Variants in RBFOX3 observed in about 807,000 individuals in gnomAD.
The protein encoded by RBFOX3 is RNA binding fox-1 homolog 3, also known as RNA binding protein fox-1 homolog 3.
In RBFOX3, 17 loss-of-function variants were observed where a neutral mutation model predicts 48.7. The observed-to-expected ratio is 0.35, with a 90% confidence interval of 0.24 to 0.52. RBFOX3 has a LOEUF of 0.52. Ranked by LOEUF, RBFOX3 falls within the 20% of genes least tolerant of loss-of-function variation. The pLI is 0.94. For missense variants in RBFOX3, 382 were observed against 497.5 expected (o/e 0.77, Z 2.21); for synonymous variants, 212 against 209.5 (o/e 1.01, Z -0.10).
chr17:79,621,211 C>T, the RBFOX3 span, among the ~76,000 whole-genome samples: 9 of 151,922 alleles, frequency 5.9e-5, no homozygotes, highest in African/African-American at 9.7e-5. Context: ...GCTGGCCAGG[C>T]GGGTCTCGAA....
chr17:79,331,409 T>TG (rs891952732), intron 2 of RBFOX3, among the ~76,000 whole-genome samples: 3 of 152,104 alleles, frequency 2.0e-5, no homozygotes, highest in Non-Finnish European at 2.9e-5. Context: ...CCAAAGCCTC[T>TG]GGGGGGTGCA....
intron 3 of RBFOX3, among the ~76,000 whole-genome samples, chr17:79,291,758 C>T (rs969475046): frequency 1.3e-5 from 2 of 152,188 alleles, no homozygotes; most frequent in African/African-American, 4.8e-5. Context: ...GAGTACACAG[C>T]CCCTCTCCCC....
intron 2 of RBFOX3, among the ~76,000 whole-genome samples, chr17:79,411,306 T>TG (rs1363940062): frequency 6.6e-6 from 1 of 152,146 alleles, no homozygotes; most frequent in Non-Finnish European, 1.5e-5. Context: ...CTCACTGATC[T>TG]GCTCACACCA....
chr17:79,270,089 C>T (rs766666900), intron 3 of RBFOX3, among the ~76,000 whole-genome samples: 3 of 152,126 alleles, frequency 2.0e-5, no homozygotes, highest in East Asian at 1.9e-4. Context: ...GCTGGTCTTC[C>T]GCCTCTGTGG....
chr17:79,661,516 G>A, the RBFOX3 span, among the ~76,000 whole-genome samples: 7 of 152,192 alleles, frequency 4.6e-5, no homozygotes, highest in East Asian at 1.3e-3. Context: ...CTTGGCCTGG[G>A]TTACTTCAAG....
At chr17:79,109,215 G>A (rs2078032145) in intron 5 of RBFOX3, among the ~76,000 whole-genome samples, 1 of 152,236 alleles carries the variant, frequency 6.6e-6, no homozygotes, top group African/African-American at 2.4e-5. Flanking sequence ...TGGGCAAGCT[G>A]GGCGGCTGCT....
intron 4 of RBFOX3, among the ~76,000 whole-genome samples, chr17:79,170,042 G>GA (rs2048833901): frequency 8.1e-6 from 1 of 123,422 alleles, no homozygotes; most frequent in African/African-American, 3.5e-5. Context: ...GAGAAGGAAG[G>GA]AGAAGAGGGA....
At position 79,115,687 on chromosome 17, in the gene RBFOX3, T is replaced by A; in HGVS notation, c.29A>T (p.Tyr10Phe). ...GATGCCGTTCTGTGGCGGAGGGGGG[T>A]ACTGGGCGGGGGGGTAGGGCTGGGC... MAQPYPPAQ[Y>F]PPPPQNGIPA... Residue 10 changes from tyrosine (Y) to phenylalanine (F), a missense_variant, in exon 5 of 15, where the codon TAC becomes TTC. Tyr to Phe is a conservative substitution (Grantham distance 22, BLOSUM62 3). Coordinates refer to ENST00000693108, the MANE Select transcript of RBFOX3 (RefSeq NM_001350451.2). 1 of 281,496 alleles carries A rather than the reference T, an allele frequency of 3.6e-6. No homozygotes were observed. Among genetic ancestry groups the A allele is most frequent in the Non-Finnish European group, 6.3e-6 (1 of 158,180 alleles). The allele number at this position is 281,496 out of a possible 1,614,324, so 17.4% of individuals were successfully genotyped here. A position where few individuals can be genotyped will look rare whatever the true frequency, so the allele number is the denominator to read the frequency against.
chr17:79,279,097 G>T (rs998413587), intron 3 of RBFOX3, among the ~76,000 whole-genome samples: 1 of 152,040 alleles, frequency 6.6e-6, no homozygotes, highest in African/African-American at 2.4e-5. Context: ...TAAAATTCTG[G>T]CTTAGAACCA....
chr17:79,403,787 T>TTC (rs1483430384), intron 2 of RBFOX3, among the ~76,000 whole-genome samples: 3 of 146,586 alleles, frequency 2.0e-5, no homozygotes, highest in South Asian at 2.2e-4. Flanking sequence ...TTTTTCTTTT[T>TTC]TTTTTTTTTT....
At chr17:79,323,147 T>C (rs943509262) in intron 2 of RBFOX3, among the ~76,000 whole-genome samples, 1 of 152,188 alleles carries the variant, frequency 6.6e-6, no homozygotes, top group East Asian at 1.9e-4. Context: ...CAAAGGAAGA[T>C]TATTGATATT....
chr17:79,311,968 C>T lies in RBFOX3; in HGVS notation c.-174-4144G>A, dbSNP rs555008230. ...CAGCTCGGGCCTGAAAATCCCTCCC[C>T]GTCAGAGCTGACATTTCAGGACAGG... On this transcript the variant is annotated intron_variant, in intron 2 of 14. Transcript: ENST00000693108. The surrounding 1 kb of genome is among the most constrained non-coding windows in gnomAD (Gnocchi z 4.2). Among the ~76,000 whole-genome samples the T allele has an allele frequency of 1.7e-4, 26 of 152,302 alleles. No homozygotes were observed. The South Asian group carries it at 2.9e-3, about 17-fold the overall frequency.
At chr17:79,222,850 G>A (rs2059893996) in intron 4 of RBFOX3, among the ~76,000 whole-genome samples, 1 of 152,206 alleles carries the variant, frequency 6.6e-6, no homozygotes, top group South Asian at 2.1e-4. Context: ...GCCGGGCATG[G>A]GCTGGGTTGC....
At chr17:79,236,814 C>T (rs895367091) in intron 3 of RBFOX3, among the ~76,000 whole-genome samples, 1 of 152,104 alleles carries the variant, frequency 6.6e-6, no homozygotes, top group Non-Finnish European at 1.5e-5. Flanking sequence ...GCCTGGAGAC[C>T]TTCCTTTTCT....
intron 1 of RBFOX3, among the ~76,000 whole-genome samples, chr17:79,486,939 C>G (rs1352277510): frequency 1.3e-5 from 2 of 152,202 alleles, no homozygotes; most frequent in Admixed American, 6.5e-5. Context: ...GGTGCTCTGG[C>G]CCCAAAAGGT....
In RBFOX3 at chr17:79,294,737, G is replaced by T. The variant is rs1039482004; in HGVS notation, c.-74+12987C>A. Among the ~76,000 whole-genome samples, 4 of 152,330 alleles carry T rather than the reference G, an allele frequency of 2.6e-5. No homozygotes were observed. In the East Asian group the frequency reaches 7.7e-4, roughly 29 times the overall value. ...ACTCCGGACTGGGGGCCACGTGGAG[G>T]AGGCCTTGGTTCAGCTCTGCCCCAT... On this transcript the variant is annotated intron_variant, in intron 3 of 14. Coordinates refer to ENST00000693108, the MANE Select transcript of RBFOX3 (RefSeq NM_001350451.2).
At chr17:79,173,296 A>T (rs2049793117) in intron 4 of RBFOX3, among the ~76,000 whole-genome samples, 1 of 152,184 alleles carries the variant, frequency 6.6e-6, no homozygotes, top group Admixed American at 6.5e-5. Flanking sequence ...TTTCCATTTG[A>T]CAGCGTTGCT....
intron 4 of RBFOX3, among the ~76,000 whole-genome samples, chr17:79,158,920 A>G (rs1259212490): frequency 6.6e-6 from 1 of 152,138 alleles, no homozygotes; most frequent in African/African-American, 2.4e-5. Context: ...CAGGGGTGCA[A>G]AGGAAGGACA....
rs556031006 is a variant in RBFOX3 at position 79,418,323 on chromosome 17, C to T, written c.-175+64131G>A. The stretch of plus-strand genomic sequence containing the variant: ...CTCCTTGCACACCCACCCATGCACA[C>T]GCGTGCACACACGTTTCCCACACTA... On this transcript the variant is annotated intron_variant, in intron 2 of 14. Coordinates refer to ENST00000693108, the MANE Select transcript of RBFOX3 (RefSeq NM_001350451.2). This position sits in a 1 kb window ranked among gnomAD's most constrained non-coding sequence, Gnocchi z 5.0. Among the ~76,000 whole-genome samples the T allele has an allele frequency of 1.7e-4, 26 of 152,338 alleles. No individual in the cohort carries two copies. The East Asian group carries it at 2.3e-3, about 14-fold the overall frequency.
Sources: gnomAD v4.1 joint callset for allele counts (sites outside exome capture counted in the v4.1 genomes callset) on GRCh38, gnomAD v4.1.1 for gene constraint, Gnocchi (gnomAD v3.1) non-coding constraint, MANE v1.5 for transcripts, NCBI Gene and HGNC (gene_info 2026-07-23, HGNC 2026-07-21) for gene names.